The following CREB1 variants were observed in gnomAD, a reference collection of about 807,000 sequenced individuals.
CREB1 encodes the protein cyclic AMP-responsive element-binding protein 1.
CREB1 carries 2 observed loss-of-function variants against 42.0 expected under a neutral mutation model. The ratio of observed to expected loss-of-function variants is 0.05; its 90% confidence interval spans 0.02 to 0.15. The LOEUF is 0.15. Among genes scored for constraint, CREB1 ranks in the 10% least tolerant of loss-of-function variants. The pLI is 1.00. For missense variants in CREB1, 199 were observed against 388.9 expected (o/e 0.51, Z 4.11); for synonymous variants, 123 against 139.9 (o/e 0.88, Z 0.85).
At position 207,601,898 on chromosome 2, in the gene CREB1, A is replaced by G. The variant is rs2087120833; in HGVS notation, c.*4840A>G. 3 of 214,148 alleles carry G rather than the reference A, an allele frequency of 1.4e-5. No individual in the cohort carries two copies. Among genetic ancestry groups the G allele is most frequent in the Non-Finnish European group, 9.4e-6 (1 of 106,008 alleles). 13.3% of individuals were successfully genotyped at this position (214,148 alleles called of 1,614,324 possible). A position where few individuals can be genotyped will look rare whatever the true frequency, so the allele number is the denominator to read the frequency against. ...ATACATCTTGAATATTCTTAATGTA[A>G]TAATGTTGACTATTAAGTTGGCTAC... On this transcript the variant is annotated 3_prime_UTR_variant, in exon 8 of 8. Transcript: ENST00000353267.
intron 2 of CREB1, among the ~76,000 whole-genome samples, chr2:207,557,379 T>A (rs1487124747): frequency 6.6e-6 from 1 of 152,084 alleles, no homozygotes; most frequent in Non-Finnish European, 1.5e-5. Flanking sequence ...AAAGATAGCA[T>A]GTTATAAAAA....
chr2:207,554,240 CA>C (rs1173572285), intron 1 of CREB1, among the ~76,000 whole-genome samples: 1 of 151,996 alleles, frequency 6.6e-6, no homozygotes, highest in Non-Finnish European at 1.5e-5. Flanking sequence ...TTTTCATTTC[CA>C]TTTTTTGAAC....
Position 207,567,555 on chromosome 2 carries a change from T to C in CREB1, c.354T>C (p.Pro118=). ...QKRREILSRR[P]SYRKILNDLS... ...GAAGGGAAATTCTTTCAAGGAGGCCTTCCTACAGGTATGGAATTTAATAGT... is the reference window on the plus strand; with the variant it reads ...GAAGGGAAATTCTTTCAAGGAGGCCCTCCTACAGGTATGGAATTTAATAGT... The change falls in exon 4 of 8, where the codon CCT becomes CCC. Residue 118 remains proline, a synonymous_variant. Transcript: ENST00000353267. 6.2e-7 allele frequency: 1 copy of C among 1,606,468 alleles called. No homozygotes were observed. The highest frequency in any genetic ancestry group is 1.7e-5 in the Admixed American group (1 of 59,916).
rs2086536994 is a variant in CREB1 at position 207,598,491 on chromosome 2, A to G, written c.*1433A>G. The G allele has an allele frequency of 5.7e-6, 1 of 176,372 alleles. No homozygotes were observed. The highest frequency in any genetic ancestry group is 6.4e-5 in the Admixed American group (1 of 15,716). 10.9% of individuals were successfully genotyped at this position (176,372 alleles called of 1,614,324 possible). On this transcript the variant is annotated 3_prime_UTR_variant, in exon 8 of 8. Transcript: ENST00000353267. ...ATAAATCTAACAGTTACTCTTAAAA[A>G]AAAAAAAAAAAGACTAAGGTGGATT...
chr2:207,535,293 G>C (rs1043288208), intron 1 of CREB1, among the ~76,000 whole-genome samples: 1 of 152,148 alleles, frequency 6.6e-6, no homozygotes, highest in African/African-American at 2.4e-5. Flanking sequence ...CTCACAAGGT[G>C]AATTTAACTC....
At chr2:207,542,325 T>G (rs944551690) in intron 1 of CREB1, among the ~76,000 whole-genome samples, 3 of 152,146 alleles carry the variant, frequency 2.0e-5, no homozygotes, top group Non-Finnish European at 2.9e-5. Flanking sequence ...GGTTTTGGGT[T>G]TTTGTTTTTG....
intron 7 of CREB1, among the ~76,000 whole-genome samples, chr2:207,595,760 G>A (rs554441875): frequency 1.4e-4 from 21 of 152,026 alleles, no homozygotes; most frequent in Non-Finnish European, 2.8e-4. Flanking sequence ...TTAGAGACAG[G>A]GTCTTAATAT....
intron 7 of CREB1, among the ~76,000 whole-genome samples, chr2:207,596,288 C>A (rs2086145072): frequency 6.6e-6 from 1 of 152,164 alleles, no homozygotes. Flanking sequence ...AGGATTGTTA[C>A]ACATTGAAAT....
At chr2:207,577,132 A>G in intron 6 of CREB1, 1 of 993,534 alleles carries the variant, frequency 1.0e-6, no homozygotes, top group Non-Finnish European at 1.2e-6. Context: ...ATTTTTTAAT[A>G]TGAATTTACC....
intron 7 of CREB1, among the ~76,000 whole-genome samples, chr2:207,583,045 C>T (rs977152765): frequency 6.6e-6 from 1 of 151,740 alleles, no homozygotes; most frequent in Admixed American, 6.6e-5. Flanking sequence ...AACAATATAA[C>T]AATTTTTTAA....
chr2:207,568,839 AT>A (rs201313498), intron 4 of CREB1, among the ~76,000 whole-genome samples: 69 of 150,690 alleles, frequency 4.6e-4, no homozygotes, highest in African/African-American at 1.5e-3. Flanking sequence ...GTTGATCTTT[AT>A]TTTTTTTTCT....
rs1002147757 is a variant in CREB1 at position 207,604,352 on chromosome 2, A to G, written c.*7294A>G. On this transcript the variant is annotated 3_prime_UTR_variant, in exon 8 of 8. Coordinates refer to ENST00000353267, the MANE Select transcript of CREB1 (RefSeq NM_004379.5). ...CAAGACAAACTTAACTTCTCCCCCAAATCTTCCTTCCGCTGGTTTTTCCAT... is the reference window on the plus strand; with the variant it reads ...CAAGACAAACTTAACTTCTCCCCCAGATCTTCCTTCCGCTGGTTTTTCCAT... 6.6e-6 allele frequency among the ~76,000 whole-genome samples: 1 copy of G among 152,102 alleles called. No homozygotes were observed. Among genetic ancestry groups the G allele is most frequent in the Non-Finnish European group, 1.5e-5 (1 of 68,006 alleles).
chr2:207,552,042 C>CAAAAA (rs71036931), intron 1 of CREB1, among the ~76,000 whole-genome samples: 26 of 69,892 alleles, frequency 3.7e-4, no homozygotes, highest in Middle Eastern at 9.6e-3. Context: ...AACTCCGTCT[C>CAAAAA]AAAAAAAAAA....
intron 3 of CREB1, among the ~76,000 whole-genome samples, chr2:207,562,175 C>G (rs2081979974): frequency 6.6e-6 from 1 of 152,186 alleles, no homozygotes; most frequent in Admixed American, 6.5e-5. Context: ...TAACCATATG[C>G]TCCTCTTAGT....
chr2:207,564,709 A>G (rs1044395888), intron 3 of CREB1, among the ~76,000 whole-genome samples: 4 of 152,186 alleles, frequency 2.6e-5, no homozygotes, highest in African/African-American at 9.7e-5. Context: ...CCACCTTTCC[A>G]ATATAAACAG....
Position 207,567,235 on chromosome 2 carries a change from C to G in CREB1, c.262-228C>G, listed in dbSNP as rs141215926. Among the ~76,000 whole-genome samples the G allele has an allele frequency of 4.6e-3, 692 of 151,532 alleles. 3 individuals are homozygous for G. Among genetic ancestry groups the G allele is most frequent in the African/African-American group, 0.016 (668 of 41,328 alleles). ...CATTCAGGATTGATTACATGGAGTC[C>G]TGAAAAAAAAATTAAACTGCAGCTA... On this transcript the variant is annotated intron_variant, in intron 3 of 7. Transcript: ENST00000353267.
At position 207,581,610 on chromosome 2, in the gene CREB1, A is replaced by C. The variant is rs1320430236; in HGVS notation, c.839+3955A>C. On this transcript the variant is annotated intron_variant, in intron 7 of 7. Coordinates refer to ENST00000353267, the MANE Select transcript of CREB1 (RefSeq NM_004379.5). ...AAAGGTAAATATACATTTTTAATAT[A>C]TTTTTAAGTAATTTTAAACTTACAA... 6 of 354,156 alleles carry C rather than the reference A, an allele frequency of 1.7e-5. No homozygotes were observed. In the East Asian group the frequency reaches 2.6e-4, roughly 15 times the overall value. The allele number at this position is 354,156 out of a possible 1,614,324, so 21.9% of individuals were successfully genotyped here.
At chr2:207,574,245 A>T (rs2082485881) in intron 5 of CREB1, among the ~76,000 whole-genome samples, 1 of 152,224 alleles carries the variant, frequency 6.6e-6, no homozygotes, top group Non-Finnish European at 1.5e-5. Context: ...TTAATCAGAC[A>T]TGTTGACTTT....
At position 207,598,668 on chromosome 2, in the gene CREB1, G is replaced by A; in HGVS notation, c.*1610G>A. 2 of 165,126 alleles carry A rather than the reference G, an allele frequency of 1.2e-5. No individual in the cohort carries two copies. Among genetic ancestry groups the A allele is most frequent in the Non-Finnish European group, 2.6e-5 (2 of 75,602 alleles). The allele number at this position is 165,126 out of a possible 1,614,324, so 10.2% of individuals were successfully genotyped here. On this transcript the variant is annotated 3_prime_UTR_variant, in exon 8 of 8. Transcript: ENST00000353267. ...TCAAGACCAGCCTGGCCATCATGGT[G>A]AAACCCCATCTCTACTAAAAATACA...
Sources: gnomAD v4.1 joint callset for allele counts (sites outside exome capture counted in the v4.1 genomes callset) on GRCh38, gnomAD v4.1.1 for gene constraint, MANE v1.5 for transcripts, NCBI Gene and HGNC (gene_info 2026-07-23, HGNC 2026-07-21) for gene names.